Variants in ADAMTS12 observed in about 807,000 individuals in gnomAD.
ADAMTS12 encodes the protein ADAM metallopeptidase with thrombospondin type 1 motif 12.
Under a neutral mutation model 167.8 loss-of-function variants are expected in ADAMTS12, and 118 were observed. That is an observed-to-expected ratio of 0.70 (90% CI 0.61 to 0.82). The LOEUF is 0.82. ADAMTS12 is among the 40% of genes least tolerant of loss of function. The pLI, the probability that ADAMTS12 is intolerant of heterozygous loss-of-function variation, is 0.00. For missense variants in ADAMTS12, 1,916 were observed against 1,998.8 expected (o/e 0.96, Z 0.79); for synonymous variants, 704 against 716.9 (o/e 0.98, Z 0.29).
At chr5:33,811,231 G>C (rs1747450272) in intron 2 of ADAMTS12, among the ~76,000 whole-genome samples, 1 of 152,164 alleles carries the variant, frequency 6.6e-6, no homozygotes, top group Non-Finnish European at 1.5e-5. Flanking sequence ...CAACACTAGA[G>C]CTTCCCAAAC....
chr5:33,832,740 T>C (rs532492715), intron 2 of ADAMTS12, among the ~76,000 whole-genome samples: 1 of 152,312 alleles, frequency 6.6e-6, no homozygotes, highest in African/African-American at 2.4e-5. Flanking sequence ...TACAAAGAGC[T>C]GGATTTCCCC....
At chr5:33,860,283 T>C (rs953048202) in intron 2 of ADAMTS12, among the ~76,000 whole-genome samples, 5 of 152,126 alleles carry the variant, frequency 3.3e-5, no homozygotes, top group African/African-American at 9.7e-5. Flanking sequence ...TTAGAGGAAT[T>C]GCTAACTAGA....
chr5:33,754,804 C>T lies in ADAMTS12; in HGVS notation c.490-3256G>A, dbSNP rs191900656. Among the ~76,000 whole-genome samples, 1,283 of 151,990 alleles carry T rather than the reference C, an allele frequency of 8.4e-3. 18 individuals carry two copies. The highest frequency in any genetic ancestry group is 0.03 in the African/African-American group (1,232 of 41,464). On this transcript the variant is annotated intron_variant, in intron 2 of 23. Coordinates refer to ENST00000504830, the MANE Select transcript of ADAMTS12 (RefSeq NM_030955.4). ...CTGGGAGGCGGAGGTTGCAGTGAGCCGAGATTGCGCCATTGCACTCCAGCC... is the reference window on the plus strand; with the variant it reads ...CTGGGAGGCGGAGGTTGCAGTGAGCTGAGATTGCGCCATTGCACTCCAGCC...
At chr5:33,545,647 G>A (rs1744934727) in intron 22 of ADAMTS12, among the ~76,000 whole-genome samples, 1 of 152,162 alleles carries the variant, frequency 6.6e-6, no homozygotes, top group Non-Finnish European at 1.5e-5. Context: ...TTAAGAAAAT[G>A]TGGCACATAT....
intron 2 of ADAMTS12, among the ~76,000 whole-genome samples, chr5:33,755,109 C>A (rs1745123651): frequency 6.6e-6 from 1 of 152,172 alleles, no homozygotes; most frequent in African/African-American, 2.4e-5. Flanking sequence ...AACAATGATC[C>A]TGATTTCCAA....
chr5:33,805,134 G>A (rs943590921), intron 2 of ADAMTS12, among the ~76,000 whole-genome samples: 4 of 152,098 alleles, frequency 2.6e-5, no homozygotes, highest in African/African-American at 9.7e-5. Context: ...GATTGATCAA[G>A]CTAACACTAT....
intron 2 of ADAMTS12, among the ~76,000 whole-genome samples, chr5:33,764,916 C>A (rs1028980594): frequency 1.3e-4 from 19 of 151,716 alleles, no homozygotes; most frequent in Admixed American, 2.6e-4. Flanking sequence ...ATCCAAGATG[C>A]CTACAAACAG....
At chr5:33,646,051 C>T (rs1158146252) in intron 9 of ADAMTS12, among the ~76,000 whole-genome samples, 1 of 152,142 alleles carries the variant, frequency 6.6e-6, no homozygotes, top group Non-Finnish European at 1.5e-5. Flanking sequence ...AACCACTGTG[C>T]AGGGTTCTAG....
chr5:33,678,265 G>T (rs948126881), intron 5 of ADAMTS12, among the ~76,000 whole-genome samples: 2 of 152,188 alleles, frequency 1.3e-5, no homozygotes, highest in East Asian at 3.8e-4. Flanking sequence ...CATTGGCCCT[G>T]GTTCACTGAC....
chr5:33,533,545 A>C (rs1234472329), intron 23 of ADAMTS12, among the ~76,000 whole-genome samples: 2 of 152,196 alleles, frequency 1.3e-5, no homozygotes, highest in Admixed American at 6.5e-5. Flanking sequence ...TGTTTTGAGA[A>C]GCAAGAGTCT....
At chr5:33,723,135 T>C (rs1743862397) in intron 3 of ADAMTS12, among the ~76,000 whole-genome samples, 1 of 152,186 alleles carries the variant, frequency 6.6e-6, no homozygotes, top group Non-Finnish European at 1.5e-5. Context: ...CTAAATGCCT[T>C]GCTCTCCTCC....
At chr5:33,552,279 G>A (rs1474879673) in intron 20 of ADAMTS12, among the ~76,000 whole-genome samples, 1 of 152,180 alleles carries the variant, frequency 6.6e-6, no homozygotes, top group Non-Finnish European at 1.5e-5. Flanking sequence ...AACAAACACA[G>A]GATTGGGGGA....
At chr5:33,711,701 C>T (rs1483740418) in intron 3 of ADAMTS12, among the ~76,000 whole-genome samples, 4 of 152,180 alleles carry the variant, frequency 2.6e-5, no homozygotes, top group African/African-American at 9.7e-5. Flanking sequence ...TTCCAATATT[C>T]TCTCTGAAAA....
At chr5:33,666,786 C>T (rs148986413) in intron 5 of ADAMTS12, among the ~76,000 whole-genome samples, 259 of 152,186 alleles carry the variant, frequency 1.7e-3, no homozygotes, top group Middle Eastern at 3.4e-3. Flanking sequence ...CCACCATGCC[C>T]GGCCACCATA....
chr5:33,643,566 C>T lies in ADAMTS12; in HGVS notation c.1480-96G>A, dbSNP rs1436031491. ...ATATGCACACTCATCCACACACTCA[C>T]AATAAATGCCACTGTTGTTAGTGAC... On this transcript the variant is annotated intron_variant, in intron 9 of 23. Coordinates refer to ENST00000504830, the MANE Select transcript of ADAMTS12 (RefSeq NM_030955.4). 3.9e-6 allele frequency: 4 copies of T among 1,024,594 alleles called. No individual in the cohort carries two copies. In the African/African-American group the frequency reaches 6.3e-5, roughly 16 times the overall value. The allele number at this position is 1,024,594 out of a possible 1,614,324, so 63.5% of individuals were successfully genotyped here.
At chr5:33,629,311 T>C (rs1739805568) in intron 13 of ADAMTS12, among the ~76,000 whole-genome samples, 1 of 152,156 alleles carries the variant, frequency 6.6e-6, no homozygotes. Flanking sequence ...GTGCTGAATA[T>C]TTAGGGGCAA....
At chr5:33,785,121 G>GA (rs1172131944) in intron 2 of ADAMTS12, among the ~76,000 whole-genome samples, 4 of 151,970 alleles carry the variant, frequency 2.6e-5, no homozygotes, top group Non-Finnish European at 5.9e-5. Flanking sequence ...ATATCCACAT[G>GA]AAAAAGAATG....
At chr5:33,747,329 C>G (rs1326858166) in intron 3 of ADAMTS12, among the ~76,000 whole-genome samples, 1 of 152,096 alleles carries the variant, frequency 6.6e-6, no homozygotes, top group Non-Finnish European at 1.5e-5. Flanking sequence ...TAATTCACAA[C>G]AGGATATGTG....
Position 33,534,860 on chromosome 5 carries a change from T to G in ADAMTS12, c.4579A>C (p.Asn1527His). ...GCACTTTTCTTGCAGGCCTGCTGGT[T>G]GCATTTTTTGAATTCTGGAGGTCTG... ...KPRPPEFKKC[N>H]QQACKKSADL... Residue 1527 changes from asparagine (N) to histidine (H), a missense_variant, in exon 23 of 24, where the codon AAC (asparagine) becomes CAC (histidine). Transcript: ENST00000504830. 6.2e-7 allele frequency: 1 copy of G among 1,613,908 alleles called. No individual in the cohort carries two copies. Among genetic ancestry groups the G allele is most frequent in the Non-Finnish European group, 8.5e-7 (1 of 1,179,942 alleles).
Sources: allele counts gnomAD v4.1 joint callset (sites outside exome capture counted in the v4.1 genomes callset), GRCh38; gene constraint gnomAD v4.1.1; transcripts MANE v1.5; gene names NCBI Gene and HGNC (gene_info 2026-07-23, HGNC 2026-07-21).